Variants in DYNC1LI2 observed in about 807,000 individuals in gnomAD.
The protein encoded by DYNC1LI2 is dynein cytoplasmic 1 light intermediate chain 2, also known as cytoplasmic dynein 1 light intermediate chain 2.
Under a neutral mutation model 57.8 loss-of-function variants are expected in DYNC1LI2, and 19 were observed. The ratio of observed to expected loss-of-function variants is 0.33; its 90% CI spans 0.23 to 0.48. The LOEUF (loss-of-function observed/expected upper bound fraction) is 0.48. Ranked by LOEUF, DYNC1LI2 falls within the 20% of genes least tolerant of loss-of-function variation. The pLI is 0.99. For missense variants in DYNC1LI2, 470 were observed against 604.2 expected, an observed-to-expected ratio of 0.78 and a Z score of 2.33; for synonymous variants, 256 against 233.4, an observed-to-expected ratio of 1.10 and a Z score of -0.88.
chr16:66,724,409 A>C (rs1031363851), intron 12 of DYNC1LI2, among the ~76,000 whole-genome samples: 2 of 152,082 alleles, frequency 1.3e-5, no homozygotes, highest in African/African-American at 4.8e-5. Context: ...GGGCCACTAG[A>C]CCAGACTCTG....
At position 66,732,430 on chromosome 16, in the gene DYNC1LI2, G is replaced by T; in HGVS notation, c.838C>A (p.Leu280Ile). ...IYTSVKEEKNLDLLYKYIVHK... is the reference protein window; with the variant it reads ...IYTSVKEEKNIDLLYKYIVHK... ...ACAATATACTTATACAACAAGTCGA[G>T]GTTTTTCTCTTCTTTCACTGATGTG... Residue 280 changes from leucine to isoleucine, a missense_variant, in exon 7 of 13, where the codon CTC (leucine) becomes ATC (isoleucine). Leu to Ile is a conservative substitution (Grantham distance 5). Coordinates refer to ENST00000258198, the MANE Select transcript of DYNC1LI2 (RefSeq NM_006141.3). 6.2e-7 allele frequency: 1 copy of T among 1,613,524 alleles called. No individual in the cohort carries two copies. Among genetic ancestry groups the T allele is most frequent in the Non-Finnish European group, 8.5e-7 (1 of 1,179,906 alleles).
chr16:66,727,068 C>A (rs993392679), intron 11 of DYNC1LI2, among the ~76,000 whole-genome samples: 2 of 152,106 alleles, frequency 1.3e-5, no homozygotes, highest in African/African-American at 2.4e-5. Flanking sequence ...CAGGCAAGCA[C>A]CATCATGCCC....
At chr16:66,747,260 C>T (rs796729220) in intron 3 of DYNC1LI2, among the ~76,000 whole-genome samples, 5 of 151,494 alleles carry the variant, frequency 3.3e-5, no homozygotes, top group South Asian at 4.2e-4. Context: ...TGTATTTTTA[C>T]TAGAGACAGA....
chr16:66,730,555 G>A (rs544465147), intron 7 of DYNC1LI2: 6 of 187,868 alleles, frequency 3.2e-5, no homozygotes, highest in African/African-American at 7.0e-5. Flanking sequence ...GTCCTGTTCC[G>A]ACAGAGAATA....
chr16:66,727,658 C>T, intron 11 of DYNC1LI2, 30 bp downstream of exon 11: 16 of 1,610,238 alleles, frequency 9.9e-6, no homozygotes, highest in Non-Finnish European at 1.4e-5. Flanking sequence ...AACTACTCTC[C>T]AAAGAGACAT....
chr16:66,742,754 G>A (rs4407052), intron 3 of DYNC1LI2, 86 bp from the exon 4 acceptor site: 637,163 of 1,420,506 alleles, frequency 0.45, 146,759 homozygotes, highest in African/African-American at 0.64. Context: ...GGAAGATCTT[G>A]AAGGTGACAG....
At chr16:66,740,538 A>C (rs934588572) in intron 4 of DYNC1LI2, among the ~76,000 whole-genome samples, 1 of 152,202 alleles carries the variant, frequency 6.6e-6, no homozygotes, top group East Asian at 1.9e-4. Flanking sequence ...GTCGTGGGAC[A>C]TGGTTCCAGC....
chr16:66,739,495 G>C (rs576423712), intron 4 of DYNC1LI2, among the ~76,000 whole-genome samples: 11 of 152,188 alleles, frequency 7.2e-5, no homozygotes, highest in Middle Eastern at 3.4e-3. Flanking sequence ...AGGCTGCGGG[G>C]CAGTGGCACA....
Position 66,725,824 on chromosome 16 carries a change from G to A in DYNC1LI2, c.1378+4C>T, listed in dbSNP as rs1479158610. On this transcript the variant is annotated splice_donor_region_variant and intron_variant, in intron 12 of 12. Coordinates refer to ENST00000258198, the MANE Select transcript of DYNC1LI2 (RefSeq NM_006141.3). ...AGTCACAAGTCTCCAGGGCCCTTCT[G>A]TACCTGACTTCTTGGCTGTGCTCTG... is the stretch of plus-strand genomic sequence containing the variant. 2 of 1,612,314 alleles carry A rather than the reference G, an allele frequency of 1.2e-6. No individual in the cohort carries two copies. Among genetic ancestry groups the A allele is most frequent in the East Asian group, 4.5e-5 (2 of 44,874 alleles).
intron 5 of DYNC1LI2, among the ~76,000 whole-genome samples, chr16:66,734,812 C>G (rs923356449): frequency 3.3e-5 from 5 of 151,674 alleles, no homozygotes; most frequent in Non-Finnish European, 5.9e-5. Context: ...GCCTGACCAA[C>G]ATGGAGAAAC....
intron 3 of DYNC1LI2, among the ~76,000 whole-genome samples, chr16:66,746,474 C>T (rs190260908): frequency 6.6e-6 from 1 of 152,210 alleles, no homozygotes; most frequent in Admixed American, 6.5e-5. Context: ...GGCAATTCTT[C>T]CATCAAACAG....
rs1224729563 is a variant in DYNC1LI2, at chr16:66,723,786, A to G, written c.1415T>C (p.Leu472Pro). 1 of 1,608,040 alleles carries G rather than the reference A, an allele frequency of 6.2e-7. No individual in the cohort carries two copies. Among genetic ancestry groups the G allele is most frequent in the Non-Finnish European group, 8.5e-7 (1 of 1,178,724 alleles). ...GTCTGGCTTTCGAGTCATTCTATCC[A>G]GTTCTTCCTGAACATTTGACAACAC... is the stretch of plus-strand genomic sequence containing the variant. ...KTVLSNVQEE[L>P]DRMTRKPDSM... The change falls in exon 13 of 13, where the codon CTG becomes CCG. Residue 472 changes from leucine (L) to proline (P), a missense_variant. Physicochemically the swap from Leu to Pro is moderately conservative, Grantham distance 98. Transcript: ENST00000258198.
At chr16:66,747,179 A>T (rs1191878340) in intron 3 of DYNC1LI2, among the ~76,000 whole-genome samples, 1 of 151,672 alleles carries the variant, frequency 6.6e-6, no homozygotes, top group Non-Finnish European at 1.5e-5. Flanking sequence ...CCCAGGTTGA[A>T]GCGATTCTCC....
Position 66,751,157 on chromosome 16 carries a change from C to A in DYNC1LI2, c.181+116G>T. 1 of 1,264,512 alleles carries A rather than the reference C, an allele frequency of 7.9e-7. No homozygotes were observed. The highest frequency in any genetic ancestry group is 1.1e-6 in the Non-Finnish European group (1 of 925,958). 78.3% of individuals were successfully genotyped at this position (1,264,512 alleles called of 1,614,324 possible). On this transcript the variant is annotated intron_variant, in intron 2 of 12. Transcript: ENST00000258198. The surrounding 1 kb of genome is among the most constrained non-coding windows in gnomAD (Gnocchi z 5.2). Reference sequence around the variant, plus strand: ...GCTGACCGGCCAGGGCCGACGGTCCCTTTCCCGCCAGGCTGCGGGCAGGCG... The same window carrying A: ...GCTGACCGGCCAGGGCCGACGGTCCATTTCCCGCCAGGCTGCGGGCAGGCG...
intron 3 of DYNC1LI2, among the ~76,000 whole-genome samples, chr16:66,743,816 G>A (rs892420891): frequency 8.5e-5 from 13 of 152,148 alleles, no homozygotes; most frequent in Admixed American, 8.5e-4. Flanking sequence ...TAAATGTGAA[G>A]ATAAAATCAT....
chr16:66,740,210 C>T (rs1416200930), intron 4 of DYNC1LI2, among the ~76,000 whole-genome samples: 1 of 152,146 alleles, frequency 6.6e-6, no homozygotes, highest in Non-Finnish European at 1.5e-5. Flanking sequence ...AGACACAAAA[C>T]CACTGGGAAC....
At chr16:66,741,616 G>A (rs934998998) in intron 4 of DYNC1LI2, among the ~76,000 whole-genome samples, 2 of 152,136 alleles carry the variant, frequency 1.3e-5, no homozygotes, top group African/African-American at 4.8e-5. Context: ...ATTCACCAGA[G>A]GGGGTGATGT....
chr16:66,721,846 T>C lies in DYNC1LI2; in HGVS notation c.*1876A>G, dbSNP rs2017454878. The stretch of plus-strand genomic sequence containing the variant: ...TCTTCGGCATGTGCCTTTCCAGGAA[T>C]TCTTGTTTCTGAGGTCACTCATTTT... On this transcript the variant is annotated 3_prime_UTR_variant, in exon 13 of 13. Coordinates refer to ENST00000258198, the MANE Select transcript of DYNC1LI2 (RefSeq NM_006141.3). 6.6e-6 allele frequency: 1 copy of C among 152,510 alleles called. No individual in the cohort carries two copies. Among genetic ancestry groups the C allele is most frequent in the Non-Finnish European group, 1.5e-5 (1 of 68,042 alleles). The allele number at this position is 152,510 out of a possible 1,614,324, so 9.4% of individuals were successfully genotyped here.
intron 12 of DYNC1LI2, among the ~76,000 whole-genome samples, chr16:66,725,367 G>T (rs767307326): frequency 7.9e-5 from 12 of 151,978 alleles, no homozygotes; most frequent in African/African-American, 1.2e-4. Flanking sequence ...TGTAATCCCA[G>T]CTACTCGGGA....
Sources: gnomAD v4.1 joint callset for allele counts (sites outside exome capture counted in the v4.1 genomes callset) on GRCh38, gnomAD v4.1.1 for gene constraint, Gnocchi (gnomAD v3.1) non-coding constraint, MANE v1.5 for transcripts, NCBI Gene and HGNC (gene_info 2026-07-23, HGNC 2026-07-21) for gene names.